KIAA2012: variants seen among roughly 807,000 people sequenced by gnomAD.
The protein encoded by KIAA2012 is KIAA2012.
A neutral mutation model predicts 150.6 loss-of-function variants in KIAA2012; 125 were observed. That is an observed-to-expected ratio of 0.83 (90% CI 0.72 to 0.96). The LOEUF (loss-of-function observed/expected upper bound fraction) is 0.96. Ranked by LOEUF, KIAA2012 falls within the 40% of genes least tolerant of loss-of-function variation. The pLI, the probability that KIAA2012 is intolerant of heterozygous loss-of-function variation, is 0.00. For synonymous variants in KIAA2012, 462 were observed against 504.7 expected (o/e 0.92, Z 1.13); for missense variants, 1,219 against 1,354.9 (o/e 0.90, Z 1.57).
At chr2:202,076,476 C>T (rs1689326350) in intron 2 of KIAA2012, among the ~76,000 whole-genome samples, 1 of 152,174 alleles carries the variant, frequency 6.6e-6, no homozygotes, top group African/African-American at 2.4e-5. Flanking sequence ...ATGATCCTGA[C>T]TGAATGCCCA....
intron 12 of KIAA2012, among the ~76,000 whole-genome samples, chr2:202,128,859 T>C (rs1226864755): frequency 6.6e-6 from 1 of 152,132 alleles, no homozygotes; most frequent in Admixed American, 6.5e-5. Context: ...CCCAATGACC[T>C]TAACAAAAAC....
At chr2:202,095,929 C>G (rs1689861250) in intron 4 of KIAA2012, among the ~76,000 whole-genome samples, 2 of 152,028 alleles carry the variant, frequency 1.3e-5, no homozygotes, top group South Asian at 4.2e-4. Context: ...ACTAAAGATA[C>G]AAAAATTAGC....
In KIAA2012 at chr2:202,109,635, T is replaced by C. The variant is rs1217142752; in HGVS notation, c.1497T>C (p.Asp499=). The C allele has an allele frequency of 1.2e-5, 18 of 1,539,622 alleles. No homozygotes were observed. The highest frequency in any genetic ancestry group is 2.4e-5 in the East Asian group (1 of 40,846). ...SPQDDDAPPH[D]VAPPLDLLPP... is the part of the protein sequence containing the mutation. ...AAGATGATGATGCCCCACCTCACGA[T>C]GTGGCCCCACCATTGGATCTTCTAC... is the stretch of plus-strand genomic sequence containing the variant. The change falls in exon 10 of 24, where the codon GAT becomes GAC. Residue 499 remains aspartate (D), a synonymous_variant. Coordinates refer to ENST00000498697, the MANE Select transcript of KIAA2012 (RefSeq NM_001277372.4).
At chr2:202,191,223 G>A (rs1039501460) in intron 19 of KIAA2012, among the ~76,000 whole-genome samples, 2 of 151,082 alleles carry the variant, frequency 1.3e-5, no homozygotes, top group African/African-American at 4.9e-5. Flanking sequence ...GTTGCAGTGA[G>A]CCGAGATCAC....
intron 7 of KIAA2012, among the ~76,000 whole-genome samples, chr2:202,102,452 T>G (rs1222322910): frequency 2.0e-5 from 3 of 152,236 alleles, no homozygotes; most frequent in Non-Finnish European, 1.5e-5. Context: ...GTAAGTAGTA[T>G]GATTACTCCT....
At chr2:202,172,228 A>G (rs1394944507) in intron 15 of KIAA2012, among the ~76,000 whole-genome samples, 2 of 152,240 alleles carry the variant, frequency 1.3e-5, no homozygotes. Flanking sequence ...CATTGTTTCT[A>G]TTCCACAGAT....
At chr2:202,162,988 G>A (rs1052264421) in intron 14 of KIAA2012, among the ~76,000 whole-genome samples, 1 of 150,594 alleles carries the variant, frequency 6.6e-6, no homozygotes, top group Non-Finnish European at 1.5e-5. Flanking sequence ...ATATTCCATT[G>A]TATAAGCTAA....
chr2:202,139,056 G>T (rs936404604), intron 13 of KIAA2012, among the ~76,000 whole-genome samples: 9 of 151,948 alleles, frequency 5.9e-5, no homozygotes, highest in Non-Finnish European at 1.2e-4. Flanking sequence ...GGCCAACGTG[G>T]TGAAACCAAC....
Position 202,196,873 on chromosome 2 carries a change from T to C in KIAA2012, c.3261T>C (p.Ala1087=), listed in dbSNP as rs1692424669. The change falls in exon 22 of 24, where the codon GCT becomes GCC. Residue 1087 remains alanine (A), a synonymous_variant. Coordinates refer to ENST00000498697, the MANE Select transcript of KIAA2012 (RefSeq NM_001277372.4). ...AACAAAAACACCTGATGGAAATGGC[T>C]GAAGAGGAACGACTGGAGTACCAGC... ...EEEQKHLMEM[A]EEERLEYQRR... The C allele has an allele frequency of 1.3e-6, 2 of 1,550,442 alleles. No homozygotes were observed. The highest frequency in any genetic ancestry group is 1.7e-6 in the Non-Finnish European group (2 of 1,146,998).
intron 14 of KIAA2012, among the ~76,000 whole-genome samples, chr2:202,161,533 G>A (rs536859524): frequency 6.6e-6 from 1 of 151,762 alleles, no homozygotes; most frequent in Non-Finnish European, 1.5e-5. Context: ...CACTGCCCCC[G>A]CACCAAACTA....
chr2:202,179,568 A>G (rs1692073811), intron 15 of KIAA2012: 1 of 672,606 alleles, frequency 1.5e-6, no homozygotes, highest in African/African-American at 1.8e-5. Flanking sequence ...ACAGCTCGAA[A>G]CTAGCTCAAC....
chr2:202,125,309 T>C, intron 12 of KIAA2012, 27 bp downstream of exon 12: 1 of 1,506,002 alleles, frequency 6.6e-7, no homozygotes, highest in Non-Finnish European at 9.0e-7. Flanking sequence ...AAAAGTCACC[T>C]CGACTTCTCT....
chr2:202,202,871 G>A (rs3181154), intron 23 of KIAA2012, among the ~76,000 whole-genome samples: 4,893 of 151,828 alleles, frequency 0.032, 267 homozygotes, highest in African/African-American at 0.11. Flanking sequence ...AGGCTGCACT[G>A]AGCTATGACG....
At chr2:202,202,038 A>G (rs1030437589) in intron 22 of KIAA2012, among the ~76,000 whole-genome samples, 7 of 152,148 alleles carry the variant, frequency 4.6e-5, no homozygotes, top group African/African-American at 1.7e-4. Flanking sequence ...TTGTATTTTT[A>G]GTAGAGACGG....
chr2:202,170,733 T>A (rs1691869013), intron 15 of KIAA2012, among the ~76,000 whole-genome samples: 1 of 152,174 alleles, frequency 6.6e-6, no homozygotes, highest in African/African-American at 2.4e-5. Flanking sequence ...TAGGAGGTAA[T>A]GGCTGACATG....
intron 12 of KIAA2012, among the ~76,000 whole-genome samples, chr2:202,126,675 T>C (rs1690799337): frequency 6.6e-6 from 1 of 152,036 alleles, no homozygotes; most frequent in Admixed American, 6.6e-5. Context: ...ACTGTTGTTA[T>C]ATATTCCTGA....
At chr2:202,174,867 T>C (rs1159398347) in intron 15 of KIAA2012, among the ~76,000 whole-genome samples, 1 of 152,260 alleles carries the variant, frequency 6.6e-6, no homozygotes. Context: ...TACATATGTA[T>C]ACATGTGCCA....
At chr2:202,194,462 T>C (rs889804993) in intron 21 of KIAA2012, 100 bp downstream of exon 21, 1 of 1,253,140 alleles carries the variant, frequency 8.0e-7, no homozygotes, top group Non-Finnish European at 1.1e-6. Flanking sequence ...TAGGCCTTAG[T>C]GTGTTAAGCA....
chr2:202,156,698 A>G (rs906198348), intron 14 of KIAA2012, among the ~76,000 whole-genome samples: 1 of 152,206 alleles, frequency 6.6e-6, no homozygotes, highest in Admixed American at 6.5e-5. Flanking sequence ...AGCCTGGCTA[A>G]CACGGTGAAA....
Sources: gnomAD v4.1 joint callset for allele counts (sites outside exome capture counted in the v4.1 genomes callset) on GRCh38, gnomAD v4.1.1 for gene constraint, MANE v1.5 for transcripts, NCBI Gene and HGNC (gene_info 2026-07-23, HGNC 2026-07-21) for gene names.